The following RNF19A variants were observed in gnomAD, a reference collection of about 807,000 sequenced individuals.
RNF19A encodes E3 ubiquitin-protein ligase RNF19A.
Under a neutral mutation model 75.7 loss-of-function variants are expected in RNF19A, and 32 were observed. The ratio of observed to expected loss-of-function variants is 0.42; its 90% CI spans 0.32 to 0.57. The LOEUF (loss-of-function observed/expected upper bound fraction) is 0.57. Ranked by LOEUF, RNF19A falls within the 20% of genes least tolerant of loss-of-function variation. The pLI is 0.10. For synonymous variants in RNF19A, 335 were observed against 345.2 expected, an observed-to-expected ratio of 0.97 and a Z score of 0.33; for missense variants, 782 against 1,036.3, an observed-to-expected ratio of 0.75 and a Z score of 3.37.
At chr8:100,276,854 C>T (rs1820544500) in intron 2 of RNF19A, among the ~76,000 whole-genome samples, 1 of 150,936 alleles carries the variant, frequency 6.6e-6, no homozygotes, top group Non-Finnish European at 1.5e-5. Context: ...TAACTAAATA[C>T]ACTGTGCAGA....
In RNF19A at chr8:100,260,419, C is replaced by T. The variant is rs1819657351; in HGVS notation, c.1683-422G>A. Among the ~76,000 whole-genome samples, 1 of 152,080 alleles carries T rather than the reference C, an allele frequency of 6.6e-6. No individual in the cohort carries two copies. The highest frequency in any genetic ancestry group is 6.5e-5 in the Admixed American group (1 of 15,268). On this transcript the variant is annotated intron_variant, in intron 8 of 9. Transcript: ENST00000341084. This position sits in a 1 kb window ranked among gnomAD's most constrained non-coding sequence, Gnocchi z 4.1. ...AAAATGACTCTATAAATAACACCTGCCTTTTAATACTTTATTTATTTATAT... is the reference window on the plus strand; with the variant it reads ...AAAATGACTCTATAAATAACACCTGTCTTTTAATACTTTATTTATTTATAT...
intron 1 of RNF19A, among the ~76,000 whole-genome samples, chr8:100,307,879 G>A (rs1822125043): frequency 6.6e-6 from 1 of 151,996 alleles, no homozygotes; most frequent in Non-Finnish European, 1.5e-5. Context: ...AGCACCTCTC[G>A]TGTGTTAGGC....
chr8:100,302,680 A>C (rs1821888446), intron 1 of RNF19A, among the ~76,000 whole-genome samples: 1 of 152,206 alleles, frequency 6.6e-6, no homozygotes, highest in South Asian at 2.1e-4. Context: ...GTAGCATCCC[A>C]ACATTAAGAT....
intron 1 of RNF19A, among the ~76,000 whole-genome samples, chr8:100,291,967 CTTTTTTTTT>C (rs56737985): frequency 5.4e-4 from 54 of 99,996 alleles, no homozygotes; most frequent in African/African-American, 2.0e-3. Flanking sequence ...AGGACTAAGT[CTTTTTTTTT>C]TTTTTTTTTT....
At chr8:100,304,967 GCT>G (rs1456720403) in intron 1 of RNF19A, among the ~76,000 whole-genome samples, 1 of 152,108 alleles carries the variant, frequency 6.6e-6, no homozygotes, top group African/African-American at 2.4e-5. Flanking sequence ...ATGGTGTCTT[GCT>G]CTGTTGCTCA....
Position 100,257,540 on chromosome 8 carries a change from T to C in RNF19A, c.*1016A>G, listed in dbSNP as rs1455864598. ...TTTGATTTCATGGTTGGAGAAGATA[T>C]GCATGTGTTAAAAACTGAGGTTATG... On this transcript the variant is annotated 3_prime_UTR_variant, in exon 10 of 10. Coordinates refer to ENST00000341084, the MANE Select transcript of RNF19A (RefSeq NM_183419.4). 1.3e-5 allele frequency: 2 copies of C among 153,324 alleles called. No individual in the cohort carries two copies. Among genetic ancestry groups the C allele is most frequent in the Non-Finnish European group, 2.9e-5 (2 of 68,520 alleles). 9.5% of individuals were successfully genotyped at this position (153,324 alleles called of 1,614,324 possible).
chr8:100,292,721 GAAT>G (rs950402503), intron 1 of RNF19A, among the ~76,000 whole-genome samples: 6 of 152,086 alleles, frequency 3.9e-5, no homozygotes, highest in African/African-American at 1.4e-4. Context: ...ACCAGTTACT[GAAT>G]AATGATCTTT....
At chr8:100,294,788 C>G (rs1427284833) in intron 1 of RNF19A, among the ~76,000 whole-genome samples, 1 of 151,994 alleles carries the variant, frequency 6.6e-6, no homozygotes, top group Admixed American at 6.6e-5. Context: ...GAAATTTTAG[C>G]CTACTTATGC....
At chr8:100,301,548 T>C (rs1411493687) in intron 1 of RNF19A, among the ~76,000 whole-genome samples, 1 of 152,228 alleles carries the variant, frequency 6.6e-6, no homozygotes, top group Admixed American at 6.5e-5. Context: ...ACAAAACATA[T>C]ATAGTTTCAA....
At position 100,335,538 on chromosome 8, in the gene RNF19A, A is replaced by G. The variant is rs80316674; in HGVS notation, c.-243+570T>C. Among the ~76,000 whole-genome samples the G allele has an allele frequency of 8.4e-3, 1,280 of 152,310 alleles. 22 individuals carry two copies. Among genetic ancestry groups the G allele is most frequent in the African/African-American group, 0.029 (1,211 of 41,566 alleles). ...GAGTACATATTAAATACTTTTTACT[A>G]TTTTTACTTTAATAATTTTTAATGG... On this transcript the variant is annotated intron_variant, in intron 1 of 3. Transcript: ENST00000519527.
Position 100,317,199 on chromosome 8 carries a change from G to T in RNF19A, c.-242-3827C>A, listed in dbSNP as rs1248915222. Among the ~76,000 whole-genome samples, 1 of 144,676 alleles carries T rather than the reference G, an allele frequency of 6.9e-6. No individual in the cohort carries two copies. Among genetic ancestry groups the T allele is most frequent in the African/African-American group, 2.5e-5 (1 of 40,262 alleles). The allele number at this position is 144,676 out of a possible 152,430, so 94.9% of individuals were successfully genotyped here. Reference sequence around the variant, plus strand: ...ACCTCCCTGCAAGCTGAGGGAGTGGGCTCCAGCCTTGGCCAGCCCAGAAAG... The same window carrying T: ...ACCTCCCTGCAAGCTGAGGGAGTGGTCTCCAGCCTTGGCCAGCCCAGAAAG... On this transcript the variant is annotated intron_variant, in intron 1 of 3. Coordinates refer to the RNF19A transcript ENST00000519527. This position sits in a 1 kb window ranked among gnomAD's most constrained non-coding sequence, Gnocchi z 4.3.
At chr8:100,302,351 G>A (rs1277162487) in intron 1 of RNF19A, among the ~76,000 whole-genome samples, 1 of 152,216 alleles carries the variant, frequency 6.6e-6, no homozygotes, top group African/African-American at 2.4e-5. Context: ...AGGATTTCCT[G>A]ATGGATTACA....
At position 100,332,469 on chromosome 8, in the gene RNF19A, G is replaced by A. The variant is rs1822624773; in HGVS notation, c.-243+3639C>T. ...GAGGCCTCCTTGGCCATGCAGAACT[G>A]TGAGTCAATTAAATCTCTTTCCTTT... On this transcript the variant is annotated intron_variant, in intron 1 of 3. Transcript: ENST00000519527. This position sits in a 1 kb window ranked among gnomAD's most constrained non-coding sequence, Gnocchi z 4.8. Among the ~76,000 whole-genome samples, 1 of 152,246 alleles carries A rather than the reference G, an allele frequency of 6.6e-6. No individual in the cohort carries two copies. Among genetic ancestry groups the A allele is most frequent in the Non-Finnish European group, 1.5e-5 (1 of 68,042 alleles).
At chr8:100,276,056 G>A (rs1240857508) in intron 2 of RNF19A, among the ~76,000 whole-genome samples, 2 of 151,962 alleles carry the variant, frequency 1.3e-5, no homozygotes, top group East Asian at 3.9e-4. Flanking sequence ...TAATATTTCT[G>A]ACACTTTAAA....
chr8:100,309,260 T>C (rs1160008797), intron 1 of RNF19A: 2 of 958,190 alleles, frequency 2.1e-6, no homozygotes, highest in Non-Finnish European at 2.5e-6. Context: ...ATGTGTAATT[T>C]TTGCTTTTGA....
rs774885656 is a variant in RNF19A, at chr8:100,264,054, C to T, written c.1448G>A (p.Gly483Asp). Residue 483 changes from glycine (G) to aspartate (D), a missense_variant, in exon 7 of 10, where the codon GGT becomes GAT. By Grantham distance (94) the Gly-to-Asp change is moderately conservative. This residue lies in a region of RNF19A where 442 missense variants were observed against 541.6 expected (regional missense o/e 0.82). Coordinates refer to ENST00000341084, the MANE Select transcript of RNF19A (RefSeq NM_183419.4). This position sits in a 1 kb window ranked among gnomAD's most constrained non-coding sequence, Gnocchi z 4.7. ...EFDDENDINV[G>D]GTNTAVDTTS... ...CTTACCTACAGCTGTGTTAGTTCCACCAACATTTATATCATTTTCATCATC... is the reference window on the plus strand; with the variant it reads ...CTTACCTACAGCTGTGTTAGTTCCATCAACATTTATATCATTTTCATCATC... 3 of 1,613,636 alleles carry T rather than the reference C, an allele frequency of 1.9e-6. No homozygotes were observed. Among genetic ancestry groups the T allele is most frequent in the South Asian group, 1.1e-5 (1 of 91,054 alleles).
At chr8:100,288,380 G>A in intron 1 of RNF19A, 113 bp from the exon 2 acceptor site, 1 of 647,420 alleles carries the variant, frequency 1.5e-6, no homozygotes. Flanking sequence ...AGTAGTAGTT[G>A]TTTTTTTTAA....
At chr8:100,319,794 T>A (rs544647895) in intron 1 of RNF19A, among the ~76,000 whole-genome samples, 4 of 150,454 alleles carry the variant, frequency 2.7e-5, no homozygotes. Flanking sequence ...CCTCCCAAAG[T>A]GCTGGGATTA....
chr8:100,291,857 GT>G (rs1402979290), intron 1 of RNF19A, among the ~76,000 whole-genome samples: 3 of 151,314 alleles, frequency 2.0e-5, no homozygotes, highest in Non-Finnish European at 2.9e-5. Flanking sequence ...ATTTTAATTT[GT>G]TTTTTAGATG....
Sources: allele counts gnomAD v4.1 joint callset (sites outside exome capture counted in the v4.1 genomes callset), GRCh38; gene constraint gnomAD v4.1.1; regional missense constraint gnomAD v4.1.1; non-coding constraint Gnocchi (gnomAD v3.1); transcripts MANE v1.5; gene names NCBI Gene and HGNC (gene_info 2026-07-23, HGNC 2026-07-21).